ADGB: variants seen among roughly 807,000 people sequenced by gnomAD.
ADGB encodes androglobin.
In ADGB, 172 loss-of-function variants were observed where a neutral mutation model predicts 210.5. That is an observed-to-expected ratio of 0.82 (90% CI 0.72 to 0.93). ADGB has a LOEUF of 0.93. Ranked by LOEUF, ADGB falls within the 40% of genes least tolerant of loss-of-function variation. The probability of loss-of-function intolerance (pLI) is 0.00; values close to 1 mark genes in which losing one functional copy is unlikely to be tolerated. For synonymous variants in ADGB, 658 were observed against 662.7 expected, an observed-to-expected ratio of 0.99 and a Z score of 0.11; for missense variants, 2,025 against 1,964.8, an observed-to-expected ratio of 1.03 and a Z score of -0.58.
At chr6:146,627,158 T>G (rs1780985301) in intron 1 of ADGB, among the ~76,000 whole-genome samples, 1 of 151,642 alleles carries the variant, frequency 6.6e-6, no homozygotes, top group African/African-American at 2.4e-5. Flanking sequence ...AATTGCTGTT[T>G]TTGCCACAAC....
intron 13 of ADGB, among the ~76,000 whole-genome samples, chr6:146,714,882 G>A (rs1165966348): frequency 1.3e-5 from 2 of 151,876 alleles, no homozygotes; most frequent in South Asian, 2.1e-4. Context: ...TTATTTTTGT[G>A]TTCCAGAACA....
Position 146,644,885 on chromosome 6 carries a change from T to G in ADGB, c.330+20T>G, listed in dbSNP as rs999543110. 10 of 1,361,662 alleles carry G rather than the reference T, an allele frequency of 7.3e-6. No homozygotes were observed. The African/African-American group carries it at 1.5e-4, about 20-fold the overall frequency. 84.3% of individuals were successfully genotyped at this position (1,361,662 alleles called of 1,614,324 possible). On this transcript the variant is annotated intron_variant, in intron 3 of 35. Coordinates refer to ENST00000397944, the MANE Select transcript of ADGB (RefSeq NM_024694.4). ...AGTCAGGTAAGAAAGTTTTTTCTAT[T>G]AAATAAAATACTTACTATGTGGATG...
intron 1 of ADGB, among the ~76,000 whole-genome samples, chr6:146,632,429 C>T (rs753977094): frequency 6.6e-6 from 1 of 152,180 alleles, no homozygotes; most frequent in Non-Finnish European, 1.5e-5. Flanking sequence ...ATCTCCCCAT[C>T]TCAAGATACT....
At chr6:146,624,133 T>C (rs1054433556) in intron 1 of ADGB, among the ~76,000 whole-genome samples, 1 of 151,802 alleles carries the variant, frequency 6.6e-6, no homozygotes, top group Non-Finnish European at 1.5e-5. Context: ...CTGGATATGT[T>C]AGTGGAGAAT....
intron 1 of ADGB, among the ~76,000 whole-genome samples, chr6:146,623,810 A>G (rs1202980917): frequency 6.6e-6 from 1 of 151,790 alleles, no homozygotes; most frequent in Non-Finnish European, 1.5e-5. Context: ...ATTTTTTCAA[A>G]TGTTTCTTCT....
intron 33 of ADGB, among the ~76,000 whole-genome samples, chr6:146,790,864 CT>C (rs1397784209): frequency 1.3e-5 from 2 of 152,068 alleles, no homozygotes; most frequent in African/African-American, 4.8e-5. Flanking sequence ...TATCTCTCAT[CT>C]TTTTTTATAA....
At chr6:146,769,230 T>A in intron 29 of ADGB, 99 bp downstream of exon 29, 1 of 583,284 alleles carries the variant, frequency 1.7e-6, no homozygotes, top group African/African-American at 1.8e-5. Flanking sequence ...AATATCATTG[T>A]ATGATGTTTT....
intron 3 of ADGB, among the ~76,000 whole-genome samples, chr6:146,648,370 C>T (rs1394933604): frequency 7.9e-5 from 12 of 151,982 alleles, no homozygotes. Context: ...AGTCCATTCT[C>T]ACACTACTAT....
At chr6:146,661,945 C>T (rs1470683918) in intron 5 of ADGB, among the ~76,000 whole-genome samples, 2 of 152,046 alleles carry the variant, frequency 1.3e-5, no homozygotes, top group African/African-American at 4.8e-5. Flanking sequence ...TCCAGCCTTC[C>T]AGAATTTTCC....
chr6:146,739,316 T>C (rs1777128892), intron 23 of ADGB, among the ~76,000 whole-genome samples: 1 of 152,178 alleles, frequency 6.6e-6, no homozygotes, highest in African/African-American at 2.4e-5. Context: ...ATACCATTGA[T>C]CATCCAAACT....
At position 146,734,617 on chromosome 6, in the gene ADGB, A is replaced by G. The variant is rs546490075; in HGVS notation, c.2794+587A>G. On this transcript the variant is annotated intron_variant, in intron 22 of 35. Coordinates refer to ENST00000397944, the MANE Select transcript of ADGB (RefSeq NM_024694.4). ...ATCTTTTTGCCAATAGGCCAGTTTT[A>G]TCAGCTTAAAATAAAACATGGCAGA... 4.6e-5 allele frequency among the ~76,000 whole-genome samples: 7 copies of G among 152,362 alleles called. No homozygotes were observed. In the South Asian group the frequency reaches 1.4e-3, roughly 32 times the overall value.
chr6:146,645,987 T>C (rs117453308), intron 3 of ADGB, among the ~76,000 whole-genome samples: 3,073 of 152,246 alleles, frequency 0.02, 64 homozygotes, highest in Non-Finnish European at 0.033. Context: ...ATGTATTTAA[T>C]ATTAATGTGT....
intron 7 of ADGB, among the ~76,000 whole-genome samples, chr6:146,668,058 C>G (rs749529308): frequency 5.3e-5 from 8 of 152,028 alleles, no homozygotes; most frequent in African/African-American, 1.9e-4. Flanking sequence ...AGACATTGCT[C>G]AACTTAGTGC....
intron 12 of ADGB, 50 bp downstream of exon 12, chr6:146,692,965 T>G (rs1450014445): frequency 9.4e-7 from 1 of 1,065,548 alleles, no homozygotes; most frequent in East Asian, 2.6e-5. Flanking sequence ...GTAAATACTT[T>G]GTGATGTGTC....
At chr6:146,803,794 C>G (rs113150125) in intron 35 of ADGB, 36 of 534,538 alleles carry the variant, frequency 6.7e-5, no homozygotes, top group Non-Finnish European at 1.1e-4. Context: ...CAGCCTAGAG[C>G]GTCCCTCGGC....
chr6:146,728,246 T>C (rs996573491), intron 19 of ADGB, among the ~76,000 whole-genome samples: 3 of 152,194 alleles, frequency 2.0e-5, no homozygotes, highest in African/African-American at 7.2e-5. Flanking sequence ...TCTCTGTTCG[T>C]CAGTCCTCAA....
chr6:146,803,410 T>C (rs1224806138), intron 35 of ADGB: 25 of 1,608,652 alleles, frequency 1.6e-5, no homozygotes, highest in Non-Finnish European at 2.0e-5. Context: ...TCATTTTCTT[T>C]ATTTGCCATG....
At chr6:146,636,267 C>T (rs1775417285) in intron 2 of ADGB, among the ~76,000 whole-genome samples, 1 of 151,890 alleles carries the variant, frequency 6.6e-6, no homozygotes, top group Admixed American at 6.6e-5. Flanking sequence ...ACATAAGTGC[C>T]AGAAGGGTTT....
At chr6:146,722,582 A>G (rs1427950185) in intron 17 of ADGB, among the ~76,000 whole-genome samples, 1 of 152,178 alleles carries the variant, frequency 6.6e-6, no homozygotes, top group Non-Finnish European at 1.5e-5. Flanking sequence ...AGGCACTGCC[A>G]GTATTTCTGT....
Sources: gnomAD v4.1 joint callset for allele counts (sites outside exome capture counted in the v4.1 genomes callset) on GRCh38, gnomAD v4.1.1 for gene constraint, MANE v1.5 for transcripts, NCBI Gene and HGNC (gene_info 2026-07-23, HGNC 2026-07-21) for gene names.